The following CDH12 variants were observed in gnomAD, a reference collection of about 807,000 sequenced individuals.
The protein encoded by CDH12 is cadherin-12.
CDH12 carries 41 observed loss-of-function variants against 74.1 expected under a neutral mutation model. The ratio of observed to expected loss-of-function variants is 0.55; its 90% CI spans 0.43 to 0.72. The LOEUF (loss-of-function observed/expected upper bound fraction) is 0.72, where lower values mean the gene tolerates loss of function less well. Among genes scored for constraint, CDH12 ranks in the 30% least tolerant of loss-of-function variants. CDH12 has a pLI of 0.00. For synonymous variants in CDH12, 399 were observed against 355.0 expected (o/e 1.12, Z -1.39); for missense variants, 945 against 977.2 (o/e 0.97, Z 0.44).
chr5:22,205,065 A>G (rs1043795474), intron 4 of CDH12, among the ~76,000 whole-genome samples: 14 of 152,260 alleles, frequency 9.2e-5, no homozygotes, highest in Non-Finnish European at 1.9e-4. Context: ...GTTACTGAGT[A>G]AATTCAATGG....
chr5:22,179,499 A>C (rs947927508), intron 4 of CDH12, among the ~76,000 whole-genome samples: 3 of 152,166 alleles, frequency 2.0e-5, no homozygotes, highest in African/African-American at 7.2e-5. Context: ...AAAGTTTCAG[A>C]AGTTAATTAT....
intron 1 of CDH12, among the ~76,000 whole-genome samples, chr5:22,570,241 G>T (rs1454094602): frequency 6.6e-6 from 1 of 151,478 alleles, no homozygotes; most frequent in Non-Finnish European, 1.5e-5. Flanking sequence ...TTTTTACTAG[G>T]TTTCACCGTG....
intron 1 of CDH12, among the ~76,000 whole-genome samples, chr5:22,512,504 C>T (rs1736654492): frequency 6.6e-6 from 1 of 152,100 alleles, no homozygotes; most frequent in African/African-American, 2.4e-5. Flanking sequence ...TAAGTACAGT[C>T]TGCAAGAGCA....
chr5:22,391,166 C>A (rs1428627681), intron 3 of CDH12, among the ~76,000 whole-genome samples: 1 of 152,082 alleles, frequency 6.6e-6, no homozygotes, highest in East Asian at 1.9e-4. Flanking sequence ...CAGAGTGTTG[C>A]AGATGAGAAG....
intron 7 of CDH12, among the ~76,000 whole-genome samples, chr5:21,847,646 T>C (rs1750245934): frequency 6.6e-6 from 1 of 152,086 alleles, no homozygotes; most frequent in Admixed American, 6.6e-5. Flanking sequence ...TCTACCCATA[T>C]AATAAGAATA....
At chr5:22,649,741 G>A (rs1250902889) in intron 1 of CDH12, among the ~76,000 whole-genome samples, 2 of 151,806 alleles carry the variant, frequency 1.3e-5, no homozygotes, top group Non-Finnish European at 2.9e-5. Context: ...TTCTATAATC[G>A]CTTCAGAAAA....
At chr5:22,102,551 C>T (rs1316737520) in intron 4 of CDH12, among the ~76,000 whole-genome samples, 1 of 152,026 alleles carries the variant, frequency 6.6e-6, no homozygotes, top group Non-Finnish European at 1.5e-5. Context: ...CACTTGTAGT[C>T]CCAGCTACCT....
At chr5:22,730,877 G>T (rs910054002) in intron 1 of CDH12, among the ~76,000 whole-genome samples, 2 of 151,680 alleles carry the variant, frequency 1.3e-5, no homozygotes, top group African/African-American at 4.8e-5. Context: ...CACAATAAAA[G>T]ATTAAAACAG....
chr5:22,765,673 G>A (rs917907231), intron 1 of CDH12, among the ~76,000 whole-genome samples: 14 of 151,830 alleles, frequency 9.2e-5, no homozygotes, highest in South Asian at 6.2e-4. Context: ...ATATTCCATC[G>A]GTAACAGATT....
chr5:22,851,315 C>T (rs1365143825), intron 1 of CDH12, among the ~76,000 whole-genome samples: 1 of 151,926 alleles, frequency 6.6e-6, no homozygotes, highest in Non-Finnish European at 1.5e-5. Context: ...AAAAAGCATT[C>T]GTGGCTTAAA....
chr5:22,779,715 C>G (rs1747291284), intron 1 of CDH12, among the ~76,000 whole-genome samples: 1 of 152,088 alleles, frequency 6.6e-6, no homozygotes, highest in Admixed American at 6.6e-5. Context: ...CGTTCTAACT[C>G]CTGTCCCCAT....
chr5:21,755,800 C>A lies in CDH12; in HGVS notation c.1676G>T (p.Arg559Leu). The A allele has an allele frequency of 1.4e-5, 22 of 1,613,808 alleles. No homozygotes were observed. Among genetic ancestry groups the A allele is most frequent in the Non-Finnish European group, 1.9e-5 (22 of 1,179,774 alleles). The change falls in exon 14 of 15, where the codon CGC becomes CTC. Residue 559 changes from arginine to leucine, a missense_variant. Transcript: ENST00000382254. ...GIETRRNGYS[R>L]RQQELYFLPV... ...GAGGAAATACAACTCTTGCTGCCTG[C>A]GGCTGTATCCATTTCTTCGGGTTTC...
chr5:21,802,754 G>A (rs1747205306), intron 9 of CDH12, among the ~76,000 whole-genome samples: 1 of 151,760 alleles, frequency 6.6e-6, no homozygotes, highest in Non-Finnish European at 1.5e-5. Flanking sequence ...ACCATGCCTG[G>A]CTAATTTTTG....
chr5:22,616,827 C>T (rs561100500), intron 1 of CDH12, among the ~76,000 whole-genome samples: 76 of 151,990 alleles, frequency 5.0e-4, no homozygotes, highest in Middle Eastern at 6.8e-3. Flanking sequence ...GGTTAGATCA[C>T]GAAGGCAGAG....
chr5:22,826,662 T>C (rs983289332), intron 1 of CDH12, among the ~76,000 whole-genome samples: 1 of 152,200 alleles, frequency 6.6e-6, no homozygotes, highest in African/African-American at 2.4e-5. Flanking sequence ...AAGAACTTGT[T>C]GGGAACTGGA....
At chr5:22,463,666 G>A (rs893643905) in intron 2 of CDH12, among the ~76,000 whole-genome samples, 5 of 152,060 alleles carry the variant, frequency 3.3e-5, no homozygotes, top group African/African-American at 1.2e-4. Context: ...AATATTTAAC[G>A]TTTTTAAACT....
At chr5:22,822,426 A>C (rs1442578003) in intron 1 of CDH12, among the ~76,000 whole-genome samples, 1 of 152,096 alleles carries the variant, frequency 6.6e-6, no homozygotes, top group Non-Finnish European at 1.5e-5. Flanking sequence ...AAAAGAAACT[A>C]CCATCAGAGT....
intron 3 of CDH12, among the ~76,000 whole-genome samples, chr5:22,234,917 C>G (rs144494920): frequency 6.6e-6 from 1 of 151,542 alleles, no homozygotes; most frequent in East Asian, 1.9e-4. Context: ...TTTTACTAAA[C>G]AAATGTTTGT....
At chr5:22,764,567 T>C (rs144706085) in intron 1 of CDH12, among the ~76,000 whole-genome samples, 203 of 152,106 alleles carry the variant, frequency 1.3e-3, no homozygotes, top group African/African-American at 4.6e-3. Context: ...TCTCAAACAA[T>C]TTCCACGTAG....
Sources: gnomAD v4.1 joint callset for allele counts (sites outside exome capture counted in the v4.1 genomes callset) on GRCh38, gnomAD v4.1.1 for gene constraint, MANE v1.5 for transcripts, NCBI Gene and HGNC (gene_info 2026-07-23, HGNC 2026-07-21) for gene names.